The following NEGR1 variants were observed in gnomAD, a reference collection of about 807,000 sequenced individuals.
The protein encoded by NEGR1 is IgLON family member 4.
Under a neutral mutation model 40.9 loss-of-function variants are expected in NEGR1, and 10 were observed. That is an observed-to-expected ratio of 0.24 (90% CI 0.15 to 0.42). The LOEUF is 0.42. Ranked by LOEUF, NEGR1 falls within the 10% of genes least tolerant of loss-of-function variation. NEGR1 has a pLI of 1.00. For synonymous variants in NEGR1, 185 were observed against 166.8 expected (o/e 1.11, Z -0.84); for missense variants, 352 against 438.9 (o/e 0.80, Z 1.77).
intron 1 of NEGR1, among the ~76,000 whole-genome samples, chr1:72,012,535 C>T (rs1008879711): frequency 2.6e-5 from 4 of 152,044 alleles, no homozygotes; most frequent in Non-Finnish European, 5.9e-5. Context: ...GGGGCTTGGA[C>T]ATCATCCAAT....
At chr1:71,659,319 T>C (rs890457603) in intron 4 of NEGR1, among the ~76,000 whole-genome samples, 30 of 152,126 alleles carry the variant, frequency 2.0e-4, no homozygotes, top group Non-Finnish European at 1.5e-5. Context: ...TGAGTACTGA[T>C]GTTGAACTCC....
chr1:71,498,095 AT>A (rs1646976992), intron 6 of NEGR1, among the ~76,000 whole-genome samples: 1 of 151,360 alleles, frequency 6.6e-6, no homozygotes, highest in African/African-American at 2.4e-5. Context: ...GTCCTGTCTA[AT>A]AAAATATACA....
At chr1:72,079,619 G>A (rs1313774649) in intron 1 of NEGR1, among the ~76,000 whole-genome samples, 5 of 151,934 alleles carry the variant, frequency 3.3e-5, no homozygotes, top group Non-Finnish European at 5.9e-5. Flanking sequence ...ACAAATATAG[G>A]TAAGATGTGC....
At chr1:71,702,390 C>A (rs1164026758) in intron 3 of NEGR1, among the ~76,000 whole-genome samples, 1 of 151,868 alleles carries the variant, frequency 6.6e-6, no homozygotes, top group Non-Finnish European at 1.5e-5. Flanking sequence ...ATATCACTGT[C>A]ATAACTTAAA....
chr1:71,734,808 A>G (rs964040168), intron 3 of NEGR1, among the ~76,000 whole-genome samples: 2 of 152,078 alleles, frequency 1.3e-5, no homozygotes, highest in Non-Finnish European at 2.9e-5. Flanking sequence ...GGGCCGAGTC[A>G]TTGTCTTGCC....
At position 71,694,901 on chromosome 1, in the gene NEGR1, A is replaced by G. The variant is rs115908102; in HGVS notation, c.667+3107T>C. On this transcript the variant is annotated intron_variant, in intron 4 of 6. Transcript: ENST00000357731. ...AATATTGATTAATAAAGATGAAAGG[A>G]AGGGCTGTCTTGAACCTGGCATGAT... Among the ~76,000 whole-genome samples, 444 of 151,866 alleles carry G rather than the reference A, an allele frequency of 2.9e-3. 1 individual carries two copies. The highest frequency in any genetic ancestry group is 0.01 in the African/African-American group (426 of 41,498).
chr1:72,129,951 T>C lies in NEGR1; in HGVS notation c.176+152368A>G, dbSNP rs1306572133. 4.6e-5 allele frequency among the ~76,000 whole-genome samples: 7 copies of C among 152,168 alleles called. No homozygotes were observed. In the East Asian group the frequency reaches 1.3e-3, roughly 29 times the overall value. On this transcript the variant is annotated intron_variant, in intron 1 of 6. Transcript: ENST00000357731. The stretch of plus-strand genomic sequence containing the variant: ...CCCAGATTAAAGTAATACACTGCTA[T>C]TCAGTACCCTTGCTTTGAGAGTTTC...
At chr1:71,722,874 T>C (rs917668527) in intron 3 of NEGR1, among the ~76,000 whole-genome samples, 1 of 152,152 alleles carries the variant, frequency 6.6e-6, no homozygotes, top group Non-Finnish European at 1.5e-5. Context: ...TCTAAAAGTT[T>C]CCTTGTGTAC....
At chr1:72,061,188 T>C (rs985246826) in intron 1 of NEGR1, among the ~76,000 whole-genome samples, 7 of 151,674 alleles carry the variant, frequency 4.6e-5, no homozygotes, top group Non-Finnish European at 1.0e-4. Flanking sequence ...GATAATAACC[T>C]CTGTTTTCAA....
chr1:72,020,750 C>A lies in NEGR1; in HGVS notation c.177-85439G>T, dbSNP rs532057432. Among the ~76,000 whole-genome samples the A allele has an allele frequency of 2.9e-4, 44 of 152,210 alleles. No individual in the cohort carries two copies. In the East Asian group the frequency reaches 7.7e-3, roughly 27 times the overall value. On this transcript the variant is annotated intron_variant, in intron 1 of 6. Transcript: ENST00000357731. Reference sequence around the variant, plus strand: ...CTAGATATTCATATAAGATTCAATTCTGCAGAAAAGATATAAAATGCTTAA... The same window carrying A: ...CTAGATATTCATATAAGATTCAATTATGCAGAAAAGATATAAAATGCTTAA...
intron 1 of NEGR1, among the ~76,000 whole-genome samples, chr1:72,196,667 TCA>T (rs1491247742): frequency 2.4e-5 from 1 of 41,984 alleles, no homozygotes; most frequent in Non-Finnish European, 5.6e-5. Context: ...TTACAAGTGA[TCA>T]AGGATGATCA....
At chr1:71,931,848 T>C (rs1304927217) in intron 2 of NEGR1, among the ~76,000 whole-genome samples, 1 of 152,196 alleles carries the variant, frequency 6.6e-6, no homozygotes, top group Non-Finnish European at 1.5e-5. Context: ...AAGGAGCTCT[T>C]GCTTCATAAC....
intron 4 of NEGR1, among the ~76,000 whole-genome samples, chr1:71,621,672 A>G (rs1218090244): frequency 2.0e-5 from 3 of 151,916 alleles, no homozygotes; most frequent in Non-Finnish European, 4.4e-5. Flanking sequence ...TGATTTTAGG[A>G]GGATGAATGA....
chr1:71,407,424 A>C lies in NEGR1; in HGVS notation c.*22T>G. On this transcript the variant is annotated 3_prime_UTR_variant, in exon 7 of 7. Coordinates refer to ENST00000357731, the MANE Select transcript of NEGR1 (RefSeq NM_173808.3). ...TCAGCACTTTCAGAGAATCCTTAAAAGCCTTTTATGGGTCTTTGAATTTAT... is the reference window on the plus strand; with the variant it reads ...TCAGCACTTTCAGAGAATCCTTAAACGCCTTTTATGGGTCTTTGAATTTAT... The C allele has an allele frequency of 6.2e-7, 1 of 1,608,920 alleles. No homozygotes were observed. The highest frequency in any genetic ancestry group is 8.5e-7 in the Non-Finnish European group (1 of 1,176,888).
At chr1:71,742,769 G>C (rs1655255606) in intron 3 of NEGR1, among the ~76,000 whole-genome samples, 1 of 152,120 alleles carries the variant, frequency 6.6e-6, no homozygotes, top group South Asian at 2.1e-4. Flanking sequence ...CTTTAGTGTT[G>C]ATGTTGGAAC....
rs12060097 is a variant in NEGR1, at chr1:71,795,925, G to C, written c.410-19628C>G. Among the ~76,000 whole-genome samples the C allele has an allele frequency of 9.0e-3, 1,374 of 152,190 alleles. 20 individuals are homozygous for C. Among genetic ancestry groups the C allele is most frequent in the African/African-American group, 0.032 (1,313 of 41,538 alleles). ...TACAGAGCTTCTACAATTTAGACCA[G>C]GCTGAACTTTGGGGATCATTTCAAA... On this transcript the variant is annotated intron_variant, in intron 2 of 6. Transcript: ENST00000357731.
intron 6 of NEGR1, among the ~76,000 whole-genome samples, chr1:71,508,191 C>G (rs1647048426): frequency 6.6e-6 from 1 of 152,072 alleles, no homozygotes; most frequent in South Asian, 2.1e-4. Context: ...TTAATTAAAA[C>G]TTGGAAAGAA....
intron 1 of NEGR1, among the ~76,000 whole-genome samples, chr1:72,189,589 G>A (rs756363807): frequency 4.0e-5 from 6 of 151,508 alleles, no homozygotes; most frequent in Admixed American, 2.6e-4. Context: ...TATATCTTGA[G>A]TGACTAGTAC....
chr1:72,191,425 G>T (rs1378275860), intron 1 of NEGR1, among the ~76,000 whole-genome samples: 1 of 151,752 alleles, frequency 6.6e-6, no homozygotes, highest in Non-Finnish European at 1.5e-5. Flanking sequence ...CACAAAGGGA[G>T]AATGAGAGAC....
Sources: gnomAD v4.1 joint callset for allele counts (sites outside exome capture counted in the v4.1 genomes callset) on GRCh38, gnomAD v4.1.1 for gene constraint, MANE v1.5 for transcripts, NCBI Gene and HGNC (gene_info 2026-07-23, HGNC 2026-07-21) for gene names.